SKAP1: variants seen among roughly 807,000 people sequenced by gnomAD.
SKAP1 encodes src kinase associated phosphoprotein 1, also known as src kinase-associated phosphoprotein 1.
A neutral mutation model predicts 58.5 loss-of-function variants in SKAP1; 44 were observed. That is an observed-to-expected ratio of 0.75 (90% CI 0.59 to 0.97). The LOEUF (loss-of-function observed/expected upper bound fraction) is 0.97, where lower values mean the gene tolerates loss of function less well. Among genes scored for constraint, SKAP1 ranks in the 50% least tolerant of loss-of-function variants. The pLI is 0.00. For missense variants in SKAP1, 390 were observed against 435.2 expected (o/e 0.90, Z 0.92); for synonymous variants, 127 against 149.7 (o/e 0.85, Z 1.11).
chr17:48,393,279 A>C lies in SKAP1; in HGVS notation c.152+3401T>G, dbSNP rs1201707371. ...CGTTTTTATTTTGTGTTACATGGAA[A>C]ATATTAGCCTTCATTGGTAACACTT... On this transcript the variant is annotated intron_variant, in intron 2 of 12. Coordinates refer to ENST00000336915, the MANE Select transcript of SKAP1 (RefSeq NM_003726.4). 3.3e-5 allele frequency among the ~76,000 whole-genome samples: 5 copies of C among 152,240 alleles called. No homozygotes were observed. The East Asian group carries it at 7.7e-4, about 23-fold the overall frequency.
chr17:48,405,415 T>TTCTC (rs1456688459), intron 1 of SKAP1, among the ~76,000 whole-genome samples: 2 of 77,114 alleles, frequency 2.6e-5, no homozygotes, highest in Admixed American at 2.8e-4. Flanking sequence ...CTTTCTTTCT[T>TTCTC]TCTTTCTTTC....
intron 4 of SKAP1, among the ~76,000 whole-genome samples, chr17:48,268,411 C>T (rs896271668): frequency 6.6e-6 from 1 of 152,162 alleles, no homozygotes; most frequent in Non-Finnish European, 1.5e-5. Flanking sequence ...TCATTGCTGT[C>T]ATATCTGACA....
chr17:48,179,416 T>C (rs1024328509), intron 9 of SKAP1, among the ~76,000 whole-genome samples: 2 of 152,216 alleles, frequency 1.3e-5, no homozygotes, highest in Non-Finnish European at 2.9e-5. Context: ...GTGATGACTA[T>C]ACATTTTTTG....
At chr17:48,159,362 T>C (rs1378065603) in intron 11 of SKAP1, among the ~76,000 whole-genome samples, 1 of 152,166 alleles carries the variant, frequency 6.6e-6, no homozygotes, top group African/African-American at 2.4e-5. Flanking sequence ...AAGAAACAAG[T>C]CCACTTAAGC....
intron 4 of SKAP1, among the ~76,000 whole-genome samples, chr17:48,192,998 G>A (rs1234927185): frequency 6.6e-6 from 1 of 152,018 alleles, no homozygotes; most frequent in Non-Finnish European, 1.5e-5. Context: ...CTTTTTATAT[G>A]GTGTGTTTTT....
chr17:48,371,654 CAAAAAAAAAAAAAAAAAAAA>C, intron 2 of SKAP1, among the ~76,000 whole-genome samples: 1 of 37,918 alleles, frequency 2.6e-5, no homozygotes, highest in Middle Eastern at 0.028. Flanking sequence ...CTTGTCTCCA[CAAAAAAAAAAAAAAAAAAAA>C]AAAAAAAAAA....
At chr17:48,209,544 A>G (rs1339835182) in intron 4 of SKAP1, among the ~76,000 whole-genome samples, 2 of 152,198 alleles carry the variant, frequency 1.3e-5, no homozygotes, top group African/African-American at 2.4e-5. Context: ...ATGATCACTA[A>G]ATGACTCTTT....
rs1054525596 is a variant in SKAP1 at position 48,223,099 on chromosome 17, G to A, written c.281-33599C>T. Among the ~76,000 whole-genome samples, 33 of 137,494 alleles carry A rather than the reference G, an allele frequency of 2.4e-4. 1 individual carries two copies. Among genetic ancestry groups the A allele is most frequent in the Non-Finnish European group, 1.6e-5 (1 of 63,710 alleles). The allele number at this position is 137,494 out of a possible 152,430, so 90.2% of individuals were successfully genotyped here. On this transcript the variant is annotated intron_variant, in intron 4 of 12. Transcript: ENST00000336915. ...AAAAAAAAAAAAAGCCCTCTTAAAA[G>A]GTGCATGGTTTGAAGTCAAGCTTTC...
At chr17:48,436,016 T>A in the SKAP1 span, among the ~76,000 whole-genome samples, 1 of 152,226 alleles carries the variant, frequency 6.6e-6, no homozygotes, top group Non-Finnish European at 1.5e-5. Flanking sequence ...GATATGTTCT[T>A]TCCTTGCCTT....
At chr17:48,332,106 C>T (rs1173900494) in intron 4 of SKAP1, among the ~76,000 whole-genome samples, 1 of 151,946 alleles carries the variant, frequency 6.6e-6, no homozygotes, top group African/African-American at 2.4e-5. Context: ...TTTAAAAGCA[C>T]TTTTAAAAAA....
intron 4 of SKAP1, among the ~76,000 whole-genome samples, chr17:48,306,328 A>T (rs2066141607): frequency 6.6e-6 from 1 of 152,130 alleles, no homozygotes; most frequent in African/African-American, 2.4e-5. Context: ...GATTTTGCTT[A>T]TTCTATGAAA....
chr17:48,395,304 G>A (rs1337773420), intron 2 of SKAP1, among the ~76,000 whole-genome samples: 4 of 152,132 alleles, frequency 2.6e-5, no homozygotes, highest in Non-Finnish European at 5.9e-5. Flanking sequence ...ATACAGGAAA[G>A]AATTCCTCCT....
intron 11 of SKAP1, among the ~76,000 whole-genome samples, chr17:48,161,456 A>G (rs2064067754): frequency 6.6e-6 from 1 of 152,216 alleles, no homozygotes; most frequent in Non-Finnish European, 1.5e-5. Context: ...CACCTATAGA[A>G]TATGTATGGT....
intron 4 of SKAP1, among the ~76,000 whole-genome samples, chr17:48,310,667 G>GTA (rs1197986875): frequency 6.6e-6 from 1 of 151,954 alleles, no homozygotes; most frequent in Non-Finnish European, 1.5e-5. Flanking sequence ...TGGGGAAAAT[G>GTA]TATTTTGTTT....
intron 9 of SKAP1, among the ~76,000 whole-genome samples, chr17:48,174,042 T>C (rs2064253193): frequency 6.6e-6 from 1 of 152,226 alleles, no homozygotes; most frequent in Admixed American, 6.5e-5. Flanking sequence ...GCAACAGCAC[T>C]TAATCTAGTC....
At chr17:48,171,670 CAA>C (rs2064218553) in intron 9 of SKAP1, among the ~76,000 whole-genome samples, 1 of 151,952 alleles carries the variant, frequency 6.6e-6, no homozygotes, top group African/African-American at 2.4e-5. Flanking sequence ...GAATTCTCTT[CAA>C]AATTATTATC....
At chr17:48,344,046 T>C (rs770891463) in intron 4 of SKAP1, among the ~76,000 whole-genome samples, 15 of 152,190 alleles carry the variant, frequency 9.9e-5, no homozygotes, top group Non-Finnish European at 1.6e-4. Context: ...ACCATACAGA[T>C]GATGCAAGGC....
chr17:48,220,036 C>A (rs895941764), intron 4 of SKAP1, among the ~76,000 whole-genome samples: 1 of 152,206 alleles, frequency 6.6e-6, no homozygotes, highest in African/African-American at 2.4e-5. Flanking sequence ...AATTAAGAAA[C>A]ACTGACAATA....
At chr17:48,150,725 T>C (rs2063891998) in intron 11 of SKAP1, among the ~76,000 whole-genome samples, 2 of 152,200 alleles carry the variant, frequency 1.3e-5, no homozygotes, top group Admixed American at 1.3e-4. Context: ...AAGAGCAGTA[T>C]GTCTGCATGT....
Sources: gnomAD v4.1 joint callset for allele counts (sites outside exome capture counted in the v4.1 genomes callset) on GRCh38, gnomAD v4.1.1 for gene constraint, MANE v1.5 for transcripts, NCBI Gene and HGNC (gene_info 2026-07-23, HGNC 2026-07-21) for gene names.